HDAC9: variants seen among roughly 807,000 people sequenced by gnomAD.
HDAC9 encodes the protein histone deacetylase 9.
In HDAC9, 41 loss-of-function variants were observed where a neutral mutation model predicts 139.4. That is an observed-to-expected ratio of 0.29 (90% CI 0.23 to 0.38). The LOEUF (loss-of-function observed/expected upper bound fraction) is 0.38. HDAC9 is among the 10% of genes least tolerant of loss of function. The probability of loss-of-function intolerance (pLI) is 1.00; values close to 1 mark genes in which losing one functional copy is unlikely to be tolerated. For missense variants in HDAC9, 1,147 were observed against 1,297.0 expected (o/e 0.88, Z 1.78); for synonymous variants, 517 against 476.2 (o/e 1.09, Z -1.12).
chr7:18,519,092 C>A (rs372332941), intron 2 of HDAC9, among the ~76,000 whole-genome samples: 1 of 152,080 alleles, frequency 6.6e-6, no homozygotes, highest in Non-Finnish European at 1.5e-5. Flanking sequence ...AGTTTGAAGA[C>A]CCTACTTCAT....
chr7:18,811,952 A>G (rs368102764), intron 17 of HDAC9, among the ~76,000 whole-genome samples: 1 of 151,830 alleles, frequency 6.6e-6, no homozygotes, highest in Non-Finnish European at 1.5e-5. Flanking sequence ...CCCCCCTTAA[A>G]TAGCTCAAAT....
intron 6 of HDAC9, among the ~76,000 whole-genome samples, chr7:18,614,344 A>G (rs867814983): frequency 1.4e-4 from 22 of 151,930 alleles, no homozygotes; most frequent in African/African-American, 4.8e-4. Context: ...AGTTCTGCCA[A>G]TGCCTCTCTC....
Position 18,585,530 on chromosome 7 carries a change from A to G in HDAC9, c.264+8A>G. ...CTTCAGGAGCATATCAAGGTAGCAA[A>G]TGCTTCTTTGTCTGTGACCTTACTC... On this transcript the variant is annotated splice_region_variant and intron_variant, in intron 3 of 25. Coordinates refer to ENST00000686413, the MANE Select transcript of HDAC9 (RefSeq NM_178425.4). 6.2e-7 allele frequency: 1 copy of G among 1,612,784 alleles called. No homozygotes were observed. Among genetic ancestry groups the G allele is most frequent in the Non-Finnish European group, 8.5e-7 (1 of 1,179,646 alleles).
intron 1 of HDAC9, among the ~76,000 whole-genome samples, chr7:18,373,957 G>A (rs1012412004): frequency 1.3e-5 from 2 of 151,612 alleles, no homozygotes; most frequent in Admixed American, 6.6e-5. Flanking sequence ...AAAATAATGG[G>A]GGAGATATTA....
chr7:18,656,724 G>A (rs1791325411), intron 11 of HDAC9, among the ~76,000 whole-genome samples: 2 of 152,106 alleles, frequency 1.3e-5, no homozygotes, highest in African/African-American at 4.8e-5. Flanking sequence ...CTTAGCTATT[G>A]TGGACAGTGC....
At chr7:18,901,247 C>T (rs970632742) in intron 22 of HDAC9, among the ~76,000 whole-genome samples, 18 of 143,852 alleles carry the variant, frequency 1.3e-4, no homozygotes, top group East Asian at 4.1e-4. Flanking sequence ...CACACACACA[C>T]ATATATACAT....
intron 17 of HDAC9, among the ~76,000 whole-genome samples, chr7:18,822,463 T>C (rs1448232999): frequency 6.6e-6 from 1 of 152,196 alleles, no homozygotes; most frequent in Non-Finnish European, 1.5e-5. Flanking sequence ...CAAGCGATTC[T>C]CCTGCCTCAG....
At chr7:18,269,083 T>A (rs1796182718) in intron 2 of HDAC9, among the ~76,000 whole-genome samples, 1 of 152,214 alleles carries the variant, frequency 6.6e-6, no homozygotes, top group African/African-American at 2.4e-5. Flanking sequence ...CTTTGAGGGT[T>A]AATAAGTGGG....
chr7:18,355,566 C>A (rs1192620624), intron 1 of HDAC9, among the ~76,000 whole-genome samples: 2 of 152,134 alleles, frequency 1.3e-5, no homozygotes, highest in African/African-American at 4.8e-5. Context: ...TTGAAATGGA[C>A]TGTTGGACTG....
At chr7:18,902,140 C>G (rs1801781245) in intron 22 of HDAC9, among the ~76,000 whole-genome samples, 1 of 152,220 alleles carries the variant, frequency 6.6e-6, no homozygotes, top group South Asian at 2.1e-4. Context: ...GCATCCCAAA[C>G]TGTCTTCCTT....
chr7:18,176,544 T>C (rs1488094737), intron 2 of HDAC9, among the ~76,000 whole-genome samples: 1 of 152,210 alleles, frequency 6.6e-6, no homozygotes, highest in Non-Finnish European at 1.5e-5. Context: ...AAAAGCCCTG[T>C]CTCCTATCAT....
intron 1 of HDAC9, among the ~76,000 whole-genome samples, chr7:18,409,113 A>T (rs966777074): frequency 6.6e-6 from 1 of 152,190 alleles, no homozygotes; most frequent in Non-Finnish European, 1.5e-5. Flanking sequence ...AAAAAAATTC[A>T]AGGGAATATT....
intron 13 of HDAC9, among the ~76,000 whole-genome samples, chr7:18,735,617 A>T (rs937701260): frequency 2.0e-5 from 3 of 152,180 alleles, no homozygotes; most frequent in African/African-American, 7.2e-5. Flanking sequence ...TACCAGTACC[A>T]TGCTGTTTTT....
At chr7:18,892,747 A>G (rs190451642) in intron 22 of HDAC9, 2 of 152,186 alleles carry the variant, frequency 1.3e-5, no homozygotes, top group African/African-American at 4.8e-5. Context: ...GAAAAGGAGA[A>G]TTATTGCCCA....
intron 1 of HDAC9, among the ~76,000 whole-genome samples, chr7:18,451,110 T>C (rs781173436): frequency 2.0e-5 from 3 of 152,136 alleles, no homozygotes; most frequent in Admixed American, 1.3e-4. Flanking sequence ...GGCCTTGCCC[T>C]CAAGAATGGA....
chr7:18,381,393 A>G (rs565558744), intron 1 of HDAC9, among the ~76,000 whole-genome samples: 1 of 152,202 alleles, frequency 6.6e-6, no homozygotes, highest in South Asian at 2.1e-4. Flanking sequence ...ATATTATCTG[A>G]CCACCAAGCA....
chr7:18,737,627 T>C (rs1189696707), intron 13 of HDAC9, among the ~76,000 whole-genome samples: 1 of 152,172 alleles, frequency 6.6e-6, no homozygotes, highest in African/African-American at 2.4e-5. Context: ...TGACAAACAG[T>C]TTATTGTGAT....
chr7:18,967,868 A>G (rs1007938064), intron 24 of HDAC9, among the ~76,000 whole-genome samples: 1 of 152,206 alleles, frequency 6.6e-6, no homozygotes, highest in African/African-American at 2.4e-5. Flanking sequence ...TAAAAAACAA[A>G]AAAGAAACTT....
At chr7:18,776,812 G>C (rs1392648227) in intron 16 of HDAC9, among the ~76,000 whole-genome samples, 1 of 151,970 alleles carries the variant, frequency 6.6e-6, no homozygotes, top group African/African-American at 2.4e-5. Flanking sequence ...GTGCAAAGCA[G>C]AGTGGTGGGG....
Sources: gnomAD v4.1 joint callset for allele counts (sites outside exome capture counted in the v4.1 genomes callset) on GRCh38, gnomAD v4.1.1 for gene constraint, MANE v1.5 for transcripts, NCBI Gene and HGNC (gene_info 2026-07-23, HGNC 2026-07-21) for gene names.